Variants in XKR5 observed in about 807,000 individuals in gnomAD.
The protein encoded by XKR5 is XK-related protein 5.
A neutral mutation model predicts 40.8 loss-of-function variants in XKR5; 46 were observed. That is an observed-to-expected ratio of 1.13 (90% CI 0.89 to 1.44). The LOEUF is 1.44. XKR5 is among the 40% of genes most tolerant of loss of function. The pLI is 0.00. For synonymous variants in XKR5, 466 were observed against 356.1 expected (o/e 1.31, Z -3.48); for missense variants, 1,169 against 844.7 (o/e 1.38, Z -4.76).
intron 2 of XKR5, among the ~76,000 whole-genome samples, chr8:6,829,972 G>A (rs905019077): frequency 1.3e-5 from 2 of 151,494 alleles, no homozygotes; most frequent in African/African-American, 4.9e-5. Flanking sequence ...CAAGTAGCTG[G>A]GACTACAGGC....
rs150164598 is a variant in XKR5, at chr8:6,829,635, T to G, written c.242+3082A>C. ...GGTTCAAGCGATTCTCATGCTTCAGTCTCCTGAGTAGGTGGCATTACAGGT... is the reference window on the plus strand; with the variant it reads ...GGTTCAAGCGATTCTCATGCTTCAGGCTCCTGAGTAGGTGGCATTACAGGT... On this transcript the variant is annotated intron_variant, in intron 2 of 6. Coordinates refer to ENST00000618742, the MANE Select transcript of XKR5 (RefSeq NM_207411.5). Among the ~76,000 whole-genome samples the G allele has an allele frequency of 8.1e-3, 1,233 of 152,216 alleles. 17 individuals carry two copies. The highest frequency in any genetic ancestry group is 0.027 in the African/African-American group (1,128 of 41,522).
intron 2 of XKR5, 71 bp from the exon 3 acceptor site, chr8:6,825,420 T>C (rs941426490): frequency 1.7e-5 from 24 of 1,411,326 alleles, no homozygotes; most frequent in Non-Finnish European, 2.2e-5. Flanking sequence ...AGCTTTCATT[T>C]AGAGACATAC....
intron 1 of XKR5, among the ~76,000 whole-genome samples, chr8:6,833,888 C>T (rs1804880929): frequency 2.0e-5 from 3 of 152,206 alleles, no homozygotes; most frequent in African/African-American, 7.2e-5. Context: ...GTGTGAAGCG[C>T]CTAGCATCTT....
chr8:6,829,826 C>CTTTTTTTTT (rs140715953), intron 2 of XKR5, among the ~76,000 whole-genome samples: 1 of 63,530 alleles, frequency 1.6e-5, no homozygotes, highest in African/African-American at 6.9e-5. Flanking sequence ...CAAATTCTTG[C>CTTTTTTTTT]TTTTTTTTTT....
In XKR5 at chr8:6,832,392, C is replaced by G. The variant is rs184827687; in HGVS notation, c.242+325G>C. Among the ~76,000 whole-genome samples the G allele has an allele frequency of 2.2e-4, 33 of 152,294 alleles. No individual in the cohort carries two copies. The East Asian group carries it at 5.2e-3, about 24-fold the overall frequency. On this transcript the variant is annotated intron_variant, in intron 2 of 6. Coordinates refer to ENST00000618742, the MANE Select transcript of XKR5 (RefSeq NM_207411.5). ...GTGACAGGTGTGCAGATGGAACTGC[C>G]TTAAGTAAGTTGCTTTATATGGAAC...
intron 2 of XKR5, among the ~76,000 whole-genome samples, chr8:6,826,136 TGTG>T (rs1323337694): frequency 2.0e-5 from 3 of 151,004 alleles, no homozygotes; most frequent in South Asian, 2.1e-4. Flanking sequence ...TACATGTGCT[TGTG>T]TGTGTGTGTA....
At chr8:6,814,521 A>G (rs537271356) in intron 6 of XKR5, among the ~76,000 whole-genome samples, 13 of 152,254 alleles carry the variant, frequency 8.5e-5, no homozygotes, top group African/African-American at 3.1e-4. Context: ...CCTCGTGGTG[A>G]TGGAAGGGTT....
At chr8:6,813,058 T>G (rs539936253) in intron 6 of XKR5, among the ~76,000 whole-genome samples, 1 of 152,234 alleles carries the variant, frequency 6.6e-6, no homozygotes, top group Admixed American at 6.5e-5. Flanking sequence ...GGGTGCTCAT[T>G]ATAAACAGCA....
rs1292825723 is a variant in XKR5, at chr8:6,812,082, C to T, written c.1177G>A (p.Val393Ile). Residue 393 changes from valine (V) to isoleucine (I), a missense_variant, in exon 7 of 7, where the codon GTT (valine) becomes ATT (isoleucine). By Grantham distance (29) the Val-to-Ile change is conservative. Transcript: ENST00000618742. ...VPPEAGLGTQVAVEDSFLSHH... is the reference protein window; with the variant it reads ...VPPEAGLGTQIAVEDSFLSHH... ...CTGAGGAAAGAGTCCTCCACAGCAA[C>T]CTGGGTCCCCAGCCCAGCCTCTGGG... 6.5e-7 allele frequency: 1 copy of T among 1,542,600 alleles called. No homozygotes were observed. Among genetic ancestry groups the T allele is most frequent in the South Asian group, 1.2e-5 (1 of 84,064 alleles).
At chr8:6,831,826 T>C (rs541262343) in intron 2 of XKR5, among the ~76,000 whole-genome samples, 9 of 152,098 alleles carry the variant, frequency 5.9e-5, no homozygotes, top group African/African-American at 9.6e-5. Flanking sequence ...CGATGCTGGC[T>C]AACCCAGTGA....
chr8:6,826,617 C>T (rs1021749923), intron 2 of XKR5, among the ~76,000 whole-genome samples: 3 of 152,032 alleles, frequency 2.0e-5, no homozygotes, highest in Non-Finnish European at 2.9e-5. Flanking sequence ...GGATTGGCCA[C>T]GATATGAATT....
chr8:6,830,569 G>A (rs1804718546), intron 2 of XKR5, among the ~76,000 whole-genome samples: 1 of 152,004 alleles, frequency 6.6e-6, no homozygotes, highest in Admixed American at 6.6e-5. Context: ...TGTGCATTCT[G>A]GCTCTATCTT....
chr8:6,832,759 G>C lies in XKR5; in HGVS notation c.200C>G (p.Ser67Cys), dbSNP rs1441612999. The change falls in exon 2 of 7, where the codon TCC becomes TGC. Residue 67 changes from serine (S) to cysteine (C), a missense_variant. Transcript: ENST00000618742. ...FRADGHPGHC[S>C]LMMLHLLQLG... ...CTGTAGGAGGTGCAGCATCATCAAG[G>C]AGCAATGCCCTGGATGCCCGTCTGC... 1 of 1,613,342 alleles carries C rather than the reference G, an allele frequency of 6.2e-7. No individual in the cohort carries two copies. The highest frequency in any genetic ancestry group is 1.3e-5 in the African/African-American group (1 of 74,890).
Position 6,823,564 on chromosome 8 carries a change from A to G in XKR5, c.594T>C (p.Val198=). 7 of 1,596,910 alleles carry G rather than the reference A, an allele frequency of 4.4e-6. No homozygotes were observed. Among genetic ancestry groups the G allele is most frequent in the Non-Finnish European group, 6.0e-6 (7 of 1,171,752 alleles). Residue 198 remains valine (V), a synonymous_variant, in exon 4 of 7, where the codon GTT becomes GTC. Transcript: ENST00000618742. ...GMLGTRVLSL[V]LFYKAYHFWV... The stretch of plus-strand genomic sequence containing the variant: ...AAAAGTGGTAGGCTTTGTAGAACAG[A>G]ACCAGACTCAGCACGCGGGTTCCCA...
chr8:6,834,696 C>G (rs959115159), intron 1 of XKR5, among the ~76,000 whole-genome samples: 1 of 152,184 alleles, frequency 6.6e-6, no homozygotes, highest in Non-Finnish European at 1.5e-5. Context: ...GGACTCTGCC[C>G]GGGAAAAAGC....
At chr8:6,834,872 C>T (rs1422407025) in intron 1 of XKR5, among the ~76,000 whole-genome samples, 1 of 152,080 alleles carries the variant, frequency 6.6e-6, no homozygotes, top group African/African-American at 2.4e-5. Flanking sequence ...GGCCGCGTCC[C>T]GCCCCGTCCT....
intron 4 of XKR5, among the ~76,000 whole-genome samples, 180 bp from the exon 5 acceptor site, chr8:6,822,218 A>G (rs1295249885): frequency 6.6e-6 from 1 of 152,246 alleles, no homozygotes; most frequent in Admixed American, 6.5e-5. Context: ...TTATCTTTGC[A>G]TGTATTATCC....
intron 1 of XKR5, among the ~76,000 whole-genome samples, chr8:6,834,699 G>A (rs1012684582): frequency 4.1e-5 from 6 of 147,228 alleles, no homozygotes; most frequent in African/African-American, 1.4e-4. Context: ...CTCTGCCCGG[G>A]AAAAAGCTTC....
chr8:6,822,494 G>A (rs1001796781), intron 4 of XKR5, among the ~76,000 whole-genome samples: 1 of 144,466 alleles, frequency 6.9e-6, no homozygotes, highest in Admixed American at 7.0e-5. Flanking sequence ...TGGATTTCAA[G>A]CTGATTTTTT....
Sources: gnomAD v4.1 joint callset for allele counts (sites outside exome capture counted in the v4.1 genomes callset) on GRCh38, gnomAD v4.1.1 for gene constraint, MANE v1.5 for transcripts, NCBI Gene and HGNC (gene_info 2026-07-23, HGNC 2026-07-21) for gene names.